The following DYNC2H1 variants were observed in gnomAD, a reference collection of about 807,000 sequenced individuals.
DYNC2H1 encodes the protein cytoplasmic dynein 2 heavy chain 1.
In DYNC2H1, 410 loss-of-function variants were observed where a neutral mutation model predicts 570.0. That is an observed-to-expected ratio of 0.72 (90% confidence interval 0.66 to 0.78). The LOEUF (loss-of-function observed/expected upper bound fraction) is 0.78, where lower values mean the gene tolerates loss of function less well. Ranked by LOEUF, DYNC2H1 falls within the 30% of genes least tolerant of loss-of-function variation. The pLI is 0.00. For synonymous variants in DYNC2H1, 1,688 were observed against 1,677.6 expected, an observed-to-expected ratio of 1.01 and a Z score of -0.15; for missense variants, 4,865 against 5,046.4, an observed-to-expected ratio of 0.96 and a Z score of 1.09.
rs1275601156 is a variant in DYNC2H1, at chr11:103,465,400, C to T, written c.12649-3189C>T. 1.3e-5 allele frequency among the ~76,000 whole-genome samples: 2 copies of T among 150,390 alleles called. No homozygotes were observed. The highest frequency in any genetic ancestry group is 4.9e-5 in the African/African-American group (2 of 41,086). ...AATACTTAAAAAATGTCAGACTTTC[C>T]AAAATCAAATTTTAAAATTTAATGC... is the stretch of plus-strand genomic sequence containing the variant. On this transcript the variant is annotated intron_variant, in intron 87 of 88. Transcript: ENST00000375735. This position sits in a 1 kb window ranked among gnomAD's most constrained non-coding sequence, Gnocchi z 4.9.
intron 83 of DYNC2H1, among the ~76,000 whole-genome samples, chr11:103,382,332 TA>T (rs765894957): frequency 2.0e-4 from 30 of 152,330 alleles, no homozygotes; most frequent in Middle Eastern, 3.4e-3. Context: ...CCAGTAACTA[TA>T]TTTTTGTCCA....
intron 82 of DYNC2H1, among the ~76,000 whole-genome samples, chr11:103,350,696 G>A (rs1159194743): frequency 6.6e-6 from 1 of 152,090 alleles, no homozygotes; most frequent in Non-Finnish European, 1.5e-5. Context: ...TGGTGAGGCT[G>A]CTCTTCCAGG....
intron 12 of DYNC2H1, among the ~76,000 whole-genome samples, chr11:103,127,023 G>A (rs1345489914): frequency 2.6e-5 from 4 of 152,192 alleles, no homozygotes; most frequent in Non-Finnish European, 5.9e-5. Context: ...AGGAAGTCTT[G>A]TGAAAGCATA....
In DYNC2H1 at chr11:103,324,893, A is replaced by G. The variant is rs1938391550; in HGVS notation, c.12039+903A>G. On this transcript the variant is annotated intron_variant, in intron 82 of 88. Coordinates refer to ENST00000375735, the MANE Select transcript of DYNC2H1 (RefSeq NM_001377.3). This position sits in a 1 kb window ranked among gnomAD's most constrained non-coding sequence, Gnocchi z 5.2. ...GCACCTGTTATTTTTTGACTTTTTA[A>G]TAATAGCCAGTCTGATGGGCATGAG... Among the ~76,000 whole-genome samples, 1 of 152,138 alleles carries G rather than the reference A, an allele frequency of 6.6e-6. No homozygotes were observed.
intron 73 of DYNC2H1, among the ~76,000 whole-genome samples, chr11:103,285,003 T>A (rs2135349083): frequency 6.6e-6 from 1 of 152,288 alleles, no homozygotes; most frequent in East Asian, 1.9e-4. Context: ...GGAATAGAAA[T>A]TTGTGAGGTA....
At chr11:103,384,088 A>G (rs964643567) in intron 83 of DYNC2H1, among the ~76,000 whole-genome samples, 4 of 152,184 alleles carry the variant, frequency 2.6e-5, no homozygotes, top group Non-Finnish European at 5.9e-5. Flanking sequence ...TTATGTTTGA[A>G]AAGAATGAAT....
chr11:103,183,067 T>C (rs1861919481), intron 40 of DYNC2H1, among the ~76,000 whole-genome samples: 1 of 151,904 alleles, frequency 6.6e-6, no homozygotes, highest in African/African-American at 2.4e-5. Context: ...GTTATAATTG[T>C]CTGTTTACAT....
intron 75 of DYNC2H1, among the ~76,000 whole-genome samples, chr11:103,295,878 T>G (rs1479784917): frequency 6.6e-6 from 1 of 152,180 alleles, no homozygotes; most frequent in Non-Finnish European, 1.5e-5. Flanking sequence ...GGGCCCAGTC[T>G]CAGGATGTTA....
At chr11:103,437,454 G>A (rs1000537725) in intron 85 of DYNC2H1, among the ~76,000 whole-genome samples, 1 of 151,972 alleles carries the variant, frequency 6.6e-6, no homozygotes, top group African/African-American at 2.4e-5. Context: ...GGACTGATCT[G>A]AGCAATTGTT....
At chr11:103,138,627 GA>G (rs775988515) in intron 17 of DYNC2H1, among the ~76,000 whole-genome samples, 1 of 152,188 alleles carries the variant, frequency 6.6e-6, no homozygotes, top group Non-Finnish European at 1.5e-5. Flanking sequence ...GTATTTTATT[GA>G]GGATTTTTAC....
chr11:103,323,432 A>C (rs1189220913), intron 81 of DYNC2H1, among the ~76,000 whole-genome samples: 1 of 140,482 alleles, frequency 7.1e-6, no homozygotes, highest in African/African-American at 2.5e-5. Flanking sequence ...AGGTTTCTCT[A>C]AGTTAAAAAG....
chr11:103,200,260 T>C, intron 50 of DYNC2H1, 106 bp downstream of exon 50: 1 of 805,706 alleles, frequency 1.2e-6, no homozygotes, highest in Non-Finnish European at 2.0e-6. Flanking sequence ...ACTTTTGGCA[T>C]AGTTCTTACT....
chr11:103,383,586 G>T (rs1323127284), intron 83 of DYNC2H1, among the ~76,000 whole-genome samples: 1 of 151,578 alleles, frequency 6.6e-6, no homozygotes, highest in African/African-American at 2.4e-5. Context: ...CCATTCTCCT[G>T]CCTCAGCCTC....
At chr11:103,232,277 A>G (rs537204285) in intron 60 of DYNC2H1, among the ~76,000 whole-genome samples, 2 of 152,088 alleles carry the variant, frequency 1.3e-5, no homozygotes, top group South Asian at 2.1e-4. Flanking sequence ...CAATGATGAG[A>G]AGTAAATCTA....
intron 17 of DYNC2H1, 135 bp downstream of exon 17, chr11:103,136,083 C>T (rs1488027876): frequency 4.7e-5 from 32 of 678,374 alleles, no homozygotes; most frequent in Non-Finnish European, 6.1e-5. Context: ...GAGCTGGATT[C>T]GTAGATACTT....
At chr11:103,235,529 A>G (rs764057687) in intron 61 of DYNC2H1, 143 bp from the exon 62 acceptor site, 1 of 660,416 alleles carries the variant, frequency 1.5e-6, no homozygotes, top group Non-Finnish European at 2.2e-6. Flanking sequence ...TCTTTTTGAT[A>G]TTTTTACATT....
In DYNC2H1 at chr11:103,145,314, C is replaced by T. The variant is rs767559948; in HGVS notation, c.2702+1919C>T. The stretch of plus-strand genomic sequence containing the variant: ...GAGACAAATGACTTGAGGGTTTGAG[C>T]GTGGGTGATTTGGATACTGGTAGGA... On this transcript the variant is annotated intron_variant, in intron 18 of 88. Coordinates refer to ENST00000375735, the MANE Select transcript of DYNC2H1 (RefSeq NM_001377.3). This position sits in a 1 kb window ranked among gnomAD's most constrained non-coding sequence, Gnocchi z 4.2. Among the ~76,000 whole-genome samples the T allele has an allele frequency of 6.6e-6, 1 of 152,074 alleles. No individual in the cohort carries two copies. Among genetic ancestry groups the T allele is most frequent in the African/African-American group, 2.4e-5 (1 of 41,416 alleles).
chr11:103,441,697 C>T (rs1211516220), intron 85 of DYNC2H1, among the ~76,000 whole-genome samples: 1 of 152,128 alleles, frequency 6.6e-6, no homozygotes, highest in Admixed American at 6.6e-5. Context: ...TGTAGTATTT[C>T]ATTATCTATT....
At chr11:103,266,025 GGGTTAGGAATCCACTGT>G (rs1415823745) in intron 70 of DYNC2H1, among the ~76,000 whole-genome samples, 2 of 140,780 alleles carry the variant, frequency 1.4e-5, no homozygotes, top group Non-Finnish European at 3.1e-5. Flanking sequence ...TGGCTCCTTG[GGGTTAGGAATCCACTGT>G]GGTTGGGAAT....
Sources: gnomAD v4.1 joint callset for allele counts (sites outside exome capture counted in the v4.1 genomes callset) on GRCh38, gnomAD v4.1.1 for gene constraint, Gnocchi (gnomAD v3.1) non-coding constraint, MANE v1.5 for transcripts, NCBI Gene and HGNC (gene_info 2026-07-23, HGNC 2026-07-21) for gene names.